Variants in PGS1 observed in about 807,000 individuals in gnomAD.
PGS1 encodes the protein CDP-diacylglycerol--glycerol-3-phosphate 3-phosphatidyltransferase, mitochondrial.
PGS1 carries 44 observed loss-of-function variants against 58.3 expected under a neutral mutation model. The ratio of observed to expected loss-of-function variants is 0.75; its 90% CI spans 0.59 to 0.97. The LOEUF (loss-of-function observed/expected upper bound fraction) is 0.97. Ranked by LOEUF, PGS1 falls within the 50% of genes least tolerant of loss-of-function variation. The pLI, the probability that PGS1 is intolerant of heterozygous loss-of-function variation, is 0.00. For synonymous variants in PGS1, 330 were observed against 311.0 expected, an observed-to-expected ratio of 1.06 and a Z score of -0.64; for missense variants, 684 against 731.1, an observed-to-expected ratio of 0.94 and a Z score of 0.74.
Position 78,378,860 on chromosome 17 carries a change from C to A in PGS1, c.143+52C>A, listed in dbSNP as rs766972986. 1.1e-5 allele frequency: 15 copies of A among 1,352,738 alleles called. No homozygotes were observed. The Admixed American group carries it at 2.0e-4, about 18-fold the overall frequency. The allele number at this position is 1,352,738 out of a possible 1,614,324, so 83.8% of individuals were successfully genotyped here. A position where few individuals can be genotyped will look rare whatever the true frequency, so the allele number is the denominator to read the frequency against. On this transcript the variant is annotated intron_variant, in intron 1 of 9. Transcript: ENST00000262764. ...GCAGCCCTCGCGGCTGCAGCCCGGC[C>A]CCCCGGCGCTCAAACTCCCGGCCCC...
intron 1 of PGS1, chr17:78,380,857 T>G (rs2081987311): frequency 6.6e-6 from 1 of 152,178 alleles, no homozygotes; most frequent in Admixed American, 6.5e-5. Context: ...TTTTTCTTTT[T>G]TTTTTTGAGA....
intron 7 of PGS1, among the ~76,000 whole-genome samples, chr17:78,412,061 G>A (rs1239039918): frequency 6.6e-6 from 1 of 151,876 alleles, no homozygotes; most frequent in East Asian, 1.9e-4. Context: ...TGTCCTCAGG[G>A]CACAGACCAA....
intron 1 of PGS1, among the ~76,000 whole-genome samples, chr17:78,386,987 ATGG>A (rs369175025): frequency 0.12 from 17,742 of 150,586 alleles, 1,042 homozygotes; most frequent in Middle Eastern, 0.16. Flanking sequence ...GATGGTGATG[ATGG>A]TGATGATGAT....
intron 1 of PGS1, among the ~76,000 whole-genome samples, chr17:78,380,002 G>T (rs974678572): frequency 2.1e-4 from 32 of 151,702 alleles, no homozygotes; most frequent in Non-Finnish European, 4.4e-4. Context: ...GAGTAGCTGG[G>T]ATTACAGACA....
At chr17:78,391,639 G>A (rs145231362) in intron 1 of PGS1, among the ~76,000 whole-genome samples, 70 of 152,040 alleles carry the variant, frequency 4.6e-4, no homozygotes, top group African/African-American at 1.5e-3. Context: ...CACCACGCCC[G>A]GCTAATTTTT....
intron 3 of PGS1, 77 bp downstream of exon 3, chr17:78,396,462 G>C: frequency 9.4e-7 from 1 of 1,066,724 alleles, no homozygotes; most frequent in African/African-American, 1.6e-5. Flanking sequence ...GTGCCATGCA[G>C]TTGGTGTGGA....
chr17:78,378,999 G>A (rs901226518), intron 1 of PGS1, among the ~76,000 whole-genome samples, 191 bp downstream of exon 1: 4 of 152,180 alleles, frequency 2.6e-5, no homozygotes, highest in Non-Finnish European at 5.9e-5. Flanking sequence ...AGGGAGGGTG[G>A]GCGGCTCGTG....
intron 1 of PGS1, among the ~76,000 whole-genome samples, chr17:78,390,941 C>CT (rs924474455): frequency 1.1e-4 from 17 of 149,900 alleles, no homozygotes; most frequent in Non-Finnish European, 1.8e-4. Flanking sequence ...CATCATCACT[C>CT]TTTTTTTTTT....
At position 78,396,288 on chromosome 17, in the gene PGS1, G is replaced by C; in HGVS notation, c.334-20G>C. 1 of 1,598,384 alleles carries C rather than the reference G, an allele frequency of 6.3e-7. No homozygotes were observed. Among genetic ancestry groups the C allele is most frequent in the Admixed American group, 1.7e-5 (1 of 60,002 alleles). On this transcript the variant is annotated intron_variant, in intron 2 of 9. Transcript: ENST00000262764. ...CATGAAAATGATGAATTTGAATTTT[G>C]AATTTTTCTCCTCTCTCAGGGGCAG...
intron 8 of PGS1, among the ~76,000 whole-genome samples, chr17:78,417,342 C>A (rs2085280172): frequency 6.6e-6 from 1 of 152,194 alleles, no homozygotes; most frequent in African/African-American, 2.4e-5. Context: ...TCAGGCACGT[C>A]CAGCCAGGGA....
At chr17:78,394,592 G>A (rs1487703678) in intron 2 of PGS1, among the ~76,000 whole-genome samples, 1 of 151,174 alleles carries the variant, frequency 6.6e-6, no homozygotes, top group Non-Finnish European at 1.5e-5. Context: ...TTTCGCTCTC[G>A]TTGCCCAGGC....
intron 1 of PGS1, among the ~76,000 whole-genome samples, chr17:78,387,798 A>G (rs528937641): frequency 1.3e-5 from 2 of 151,784 alleles, no homozygotes; most frequent in East Asian, 1.9e-4. Flanking sequence ...GGGTTTCTCT[A>G]TGTTGCCCAA....
chr17:78,382,040 TCATGG>T (rs1445618336), intron 1 of PGS1, among the ~76,000 whole-genome samples: 1 of 151,866 alleles, frequency 6.6e-6, no homozygotes. Flanking sequence ...CTTGGAGAGG[TCATGG>T]AAGGCTTCCT....
intron 9 of PGS1, 38 bp from the exon 10 acceptor site, chr17:78,424,023 A>ACACT: frequency 1.2e-6 from 2 of 1,614,042 alleles, no homozygotes; most frequent in Non-Finnish European, 1.7e-6. Flanking sequence ...TGTACACGGG[A>ACACT]CACTCATAGA....
intron 7 of PGS1, among the ~76,000 whole-genome samples, chr17:78,409,891 A>G (rs1172235593): frequency 1.3e-5 from 2 of 152,240 alleles, no homozygotes; most frequent in Non-Finnish European, 2.9e-5. Flanking sequence ...TAGGCGGATC[A>G]CCTGAGGCCA....
intron 1 of PGS1, among the ~76,000 whole-genome samples, chr17:78,384,397 T>C (rs1467428548): frequency 6.6e-6 from 1 of 152,236 alleles, no homozygotes; most frequent in Non-Finnish European, 1.5e-5. Context: ...GTGTTATGAC[T>C]GTTGCTTTTT....
chr17:78,391,961 G>A (rs1049954423), intron 1 of PGS1, among the ~76,000 whole-genome samples: 1 of 152,154 alleles, frequency 6.6e-6, no homozygotes, highest in Non-Finnish European at 1.5e-5. Context: ...TCTTTTTCTG[G>A]GTGCTTCCTT....
At chr17:78,401,806 G>A (rs1259849650) in intron 6 of PGS1, among the ~76,000 whole-genome samples, 1 of 152,228 alleles carries the variant, frequency 6.6e-6, no homozygotes, top group African/African-American at 2.4e-5. Flanking sequence ...CTCTCTTGCT[G>A]AGTGCCTACC....
At chr17:78,397,403 C>T (rs1392442931) in intron 3 of PGS1, among the ~76,000 whole-genome samples, 1 of 151,588 alleles carries the variant, frequency 6.6e-6, no homozygotes, top group Non-Finnish European at 1.5e-5. Flanking sequence ...TGGGTTCACA[C>T]CTCCCCTTTC....
Sources: gnomAD v4.1 joint callset for allele counts (sites outside exome capture counted in the v4.1 genomes callset) on GRCh38, gnomAD v4.1.1 for gene constraint, MANE v1.5 for transcripts, NCBI Gene and HGNC (gene_info 2026-07-23, HGNC 2026-07-21) for gene names.